The following TP53BP1 variants were observed in gnomAD, a reference collection of about 807,000 sequenced individuals.
The protein encoded by TP53BP1 is TP53-binding protein 1.
TP53BP1 carries 61 observed loss-of-function variants against 200.8 expected under a neutral mutation model. The ratio of observed to expected loss-of-function variants is 0.30; its 90% CI spans 0.25 to 0.38. The LOEUF is 0.38. Ranked by LOEUF, TP53BP1 falls within the 10% of genes least tolerant of loss-of-function variation. The pLI is 1.00. For missense variants in TP53BP1, 2,144 were observed against 2,371.9 expected, an observed-to-expected ratio of 0.90 and a Z score of 2.00; for synonymous variants, 822 against 844.3, an observed-to-expected ratio of 0.97 and a Z score of 0.46.
At chr15:43,502,401 T>G (rs2140179081) in intron 1 of TP53BP1, among the ~76,000 whole-genome samples, 1 of 152,310 alleles carries the variant, frequency 6.6e-6, no homozygotes, top group South Asian at 2.1e-4. Context: ...TAGTTTCAGG[T>G]GCTCCACATT....
intron 25 of TP53BP1, 169 bp from the exon 26 acceptor site, chr15:43,409,265 A>C (rs2045032431): frequency 1.6e-6 from 1 of 636,320 alleles, no homozygotes; most frequent in Non-Finnish European, 2.7e-6. Flanking sequence ...AGGCCCAAGT[A>C]ATTTCCATAG....
Position 43,466,447 on chromosome 15 carries a change from AATAAT to A in TP53BP1, c.1389+3406_1389+3410del, listed in dbSNP as rs1407533764. ...GAGAAAAGAAACATGAAAAACTATT[AATAAT>A]ATGTCATAGGCTCTGCTGTGAATTG... On this transcript the variant is annotated intron_variant, in intron 11 of 27. Transcript: ENST00000382044. 2.0e-5 allele frequency among the ~76,000 whole-genome samples: 3 copies of A among 152,358 alleles called. No individual in the cohort carries two copies. The East Asian group carries it at 5.8e-4, about 29-fold the overall frequency.
chr15:43,469,920 G>A lies in TP53BP1; in HGVS notation c.1327C>T (p.Gln443Ter). The stretch of plus-strand genomic sequence containing the variant: ...CCAGGAGGGAAGACTGGTGTGCTCT[G>A]AGATATTGGTGTTGAGGCTTGTGGT... The part of the protein sequence containing the change: ...VSPQASTPIS[Q>*]STPVFPPGSL... The change falls in exon 11 of 28, where the codon CAG (glutamine) becomes TAG (stop). Residue 443 changes from glutamine (Q) to a stop codon, truncating the protein, a stop_gained. Transcript: ENST00000382044. LOFTEE classifies it high-confidence loss of function. 1 of 1,614,098 alleles carries A rather than the reference G, an allele frequency of 6.2e-7. No individual in the cohort carries two copies. Among genetic ancestry groups the A allele is most frequent in the Non-Finnish European group, 8.5e-7 (1 of 1,180,034 alleles).
intron 11 of TP53BP1, among the ~76,000 whole-genome samples, chr15:43,460,385 C>T (rs1002522866): frequency 6.6e-6 from 1 of 152,160 alleles, no homozygotes; most frequent in East Asian, 1.9e-4. Flanking sequence ...CTCAGTCTCC[C>T]GAGTAGCTGG....
In TP53BP1 at chr15:43,406,885, G is replaced by C. The variant is rs1041112443; in HGVS notation, c.*498C>G. On this transcript the variant is annotated 3_prime_UTR_variant, in exon 28 of 28. Transcript: ENST00000382044. ...AGAGTTGGGGAGTACCCACAGGTGA[G>C]CTGTGATCTCAGCTCAGAGAGAGAG... The C allele has an allele frequency of 7.3e-6, 2 of 275,658 alleles. No individual in the cohort carries two copies. The highest frequency in any genetic ancestry group is 7.1e-6 in the Non-Finnish European group (1 of 140,516). The allele number at this position is 275,658 out of a possible 1,614,324, so 17.1% of individuals were successfully genotyped here.
chr15:43,492,349 A>G lies in TP53BP1; in HGVS notation c.127T>C (p.Ser43Pro). ...TGTCGAGATAGCATACTGAAGTGAGAACCAGAATCATCCTCTAGAACCTGG... is the reference window on the plus strand; with the variant it reads ...TGTCGAGATAGCATACTGAAGTGAGGACCAGAATCATCCTCTAGAACCTGG... Reference protein sequence around the residue: ...ESQVLEDDSGSHFSMLSRHLP... With the variant: ...ESQVLEDDSGPHFSMLSRHLP... The change falls in exon 2 of 28, where the codon TCT (serine) becomes CCT (proline). Residue 43 changes from serine to proline, a missense_variant. Physicochemically the swap from Ser to Pro is moderately conservative, Grantham distance 74. Coordinates refer to ENST00000382044, the MANE Select transcript of TP53BP1 (RefSeq NM_001141980.3). 6.2e-7 allele frequency: 1 copy of G among 1,614,168 alleles called. No homozygotes were observed. The highest frequency in any genetic ancestry group is 8.5e-7 in the Non-Finnish European group (1 of 1,180,020).
At chr15:43,504,166 CAG>C (rs2079224385) in intron 1 of TP53BP1, among the ~76,000 whole-genome samples, 1 of 152,114 alleles carries the variant, frequency 6.6e-6, no homozygotes, top group Non-Finnish European at 1.5e-5. Context: ...TTTTTTGAGA[CAG>C]AGTCTTGCTC....
At chr15:43,422,276 T>C (rs2045422543) in intron 18 of TP53BP1, 150 bp from the exon 19 acceptor site, 2 of 998,268 alleles carry the variant, frequency 2.0e-6, no homozygotes, top group Admixed American at 2.9e-5. Flanking sequence ...ATGTTCTGTA[T>C]CTGTTTTGAG....
intron 16 of TP53BP1, among the ~76,000 whole-genome samples, chr15:43,436,977 C>A (rs1368954629): frequency 2.0e-5 from 3 of 149,860 alleles, no homozygotes; most frequent in East Asian, 3.9e-4. Flanking sequence ...GCCTGGGCAA[C>A]ACAGTTGAAA....
chr15:43,492,186 T>G (rs1283422986), intron 2 of TP53BP1, 91 bp from the exon 3 acceptor site: 1 of 1,507,342 alleles, frequency 6.6e-7, no homozygotes, highest in African/African-American at 1.4e-5. Flanking sequence ...CAATCAACTT[T>G]ATTGAGAAGG....
chr15:43,467,065 T>A (rs977858499), intron 11 of TP53BP1, among the ~76,000 whole-genome samples: 3 of 151,956 alleles, frequency 2.0e-5, no homozygotes, highest in Non-Finnish European at 4.4e-5. Flanking sequence ...GTATTCTTTT[T>A]TTTTTTTGAG....
At position 43,406,431 on chromosome 15, in the gene TP53BP1, C is replaced by G. The variant is rs1052317547; in HGVS notation, c.*952G>C. Reference sequence around the variant, plus strand: ...CTGCTGTCTCTGGAGCAGGAGCTGGCAAACTATGGCCTGCTGTCTGTTTTT... The same window carrying G: ...CTGCTGTCTCTGGAGCAGGAGCTGGGAAACTATGGCCTGCTGTCTGTTTTT... On this transcript the variant is annotated 3_prime_UTR_variant, in exon 28 of 28. Transcript: ENST00000382044. 1 of 345,884 alleles carries G rather than the reference C, an allele frequency of 2.9e-6. No homozygotes were observed. The highest frequency in any genetic ancestry group is 2.1e-5 in the African/African-American group (1 of 46,520). The allele number at this position is 345,884 out of a possible 1,614,324, so 21.4% of individuals were successfully genotyped here.
At chr15:43,439,130 A>G (rs1296717207) in intron 15 of TP53BP1, among the ~76,000 whole-genome samples, 2 of 152,362 alleles carry the variant, frequency 1.3e-5, no homozygotes, top group East Asian at 1.9e-4. Context: ...ATGGCAGTCC[A>G]TTATACTACT....
chr15:43,448,370 T>C (rs1263076448), intron 12 of TP53BP1, among the ~76,000 whole-genome samples: 4 of 152,128 alleles, frequency 2.6e-5, no homozygotes, highest in Non-Finnish European at 4.4e-5. Flanking sequence ...TTAAAACTAA[T>C]ATATGAAAAT....
At chr15:43,480,833 T>A in intron 5 of TP53BP1, 62 bp downstream of exon 5, 1 of 1,578,274 alleles carries the variant, frequency 6.3e-7, no homozygotes, top group Non-Finnish European at 8.7e-7. Context: ...TTTAGACATC[T>A]GCACAATCAT....
In TP53BP1 at chr15:43,404,254, C is replaced by A. The variant is rs541595042; in HGVS notation, c.*3129G>T. 2.7e-3 allele frequency: 2,089 copies of A among 778,754 alleles called. 15 individuals carry two copies. Among genetic ancestry groups the A allele is most frequent in the South Asian group, 0.016 (789 of 50,154 alleles). 48.2% of individuals were successfully genotyped at this position (778,754 alleles called of 1,614,324 possible). On this transcript the variant is annotated 3_prime_UTR_variant, in exon 28 of 28. Coordinates refer to ENST00000382044, the MANE Select transcript of TP53BP1 (RefSeq NM_001141980.3). The stretch of plus-strand genomic sequence containing the variant: ...ATGCATGTATGGATTTGGTACAAGT[C>A]ATTTTAGGAACTAATAGAAATAGGA...
At chr15:43,475,762 A>T in intron 8 of TP53BP1, 68 bp from the exon 9 acceptor site, 2 of 1,560,880 alleles carry the variant, frequency 1.3e-6, no homozygotes, top group Non-Finnish European at 1.7e-6. Context: ...ACCATTCAGT[A>T]CTGCAAAGAG....
intron 21 of TP53BP1, among the ~76,000 whole-genome samples, chr15:43,417,869 G>A (rs1437739949): frequency 6.6e-6 from 1 of 152,126 alleles, no homozygotes; most frequent in African/African-American, 2.4e-5. Context: ...GAGAAGCCTG[G>A]ATGGACTCCA....
At chr15:43,502,981 G>A (rs1438963034) in intron 1 of TP53BP1, among the ~76,000 whole-genome samples, 1 of 151,546 alleles carries the variant, frequency 6.6e-6, no homozygotes, top group East Asian at 1.9e-4. Context: ...TTCAACTCCT[G>A]GACTCAAGCG....
Sources: gnomAD v4.1 joint callset for allele counts (sites outside exome capture counted in the v4.1 genomes callset) on GRCh38, gnomAD v4.1.1 for gene constraint, MANE v1.5 for transcripts, NCBI Gene and HGNC (gene_info 2026-07-23, HGNC 2026-07-21) for gene names.